Variants in FAAH observed in about 807,000 individuals in gnomAD.
FAAH encodes fatty acid amide hydrolase, also known as fatty-acid amide hydrolase 1.
Under a neutral mutation model 69.7 loss-of-function variants are expected in FAAH, and 63 were observed. The observed-to-expected ratio is 0.90, with a 90% CI of 0.74 to 1.12. The LOEUF is 1.12. Ranked by LOEUF, FAAH falls within the 50% of genes most tolerant of loss-of-function variation. The probability of loss-of-function intolerance (pLI) is 0.00; values close to 1 mark genes in which losing one functional copy is unlikely to be tolerated. For synonymous variants in FAAH, 305 were observed against 324.2 expected, an observed-to-expected ratio of 0.94 and a Z score of 0.64; for missense variants, 680 against 755.0, an observed-to-expected ratio of 0.90 and a Z score of 1.16.
Position 46,409,184 on chromosome 1 carries a change from C to T in FAAH, c.1161C>T (p.Thr387=). Residue 387 remains threonine, a synonymous_variant, in exon 9 of 15, where the codon ACC becomes ACT. Transcript: ENST00000243167. ...TGGLFSDGGH[T]FLQNFKGDFV... ...GGCTCTTCAGTGATGGTGGCCACAC[C>T]TTCCTACAGAACTTGTGAGTGATAG... 1 of 1,613,622 alleles carries T rather than the reference C, an allele frequency of 6.2e-7. No individual in the cohort carries two copies. The highest frequency in any genetic ancestry group is 8.5e-7 in the Non-Finnish European group (1 of 1,179,654).
At chr1:46,401,206 G>A (rs1664698180) in intron 1 of FAAH, among the ~76,000 whole-genome samples, 1 of 149,524 alleles carries the variant, frequency 6.7e-6, no homozygotes, top group Non-Finnish European at 1.5e-5. Flanking sequence ...TGGGAGGAAT[G>A]GAAGCAGGAG....
intron 1 of FAAH, among the ~76,000 whole-genome samples, chr1:46,397,805 C>T (rs962680263): frequency 1.3e-5 from 2 of 152,022 alleles, no homozygotes; most frequent in Admixed American, 6.6e-5. Flanking sequence ...TCAGGTGATC[C>T]GCCCGCCTCG....
chr1:46,412,164 GCC>G lies in FAAH; in HGVS notation c.1380_1381del (p.Gln461ValfsTer54). ...EIEVYRKTVIAQWRALDLDVV... is the reference protein window; with the variant it reads ...EIEVYRKTVIXQWRALDLDVV... ...GCAGGTGTACCGCAAAACCGTGATT[GCC>G]CAGTGGAGGGCGCTGGACCTGGATG... On this transcript the variant is annotated frameshift_variant, in exon 13 of 15. Transcript: ENST00000243167. LOFTEE classifies it high-confidence loss of function. The G allele has an allele frequency of 1.3e-6, 2 of 1,562,226 alleles. No homozygotes were observed. The highest frequency in any genetic ancestry group is 1.7e-6 in the Non-Finnish European group (2 of 1,152,964).
chr1:46,412,066 G>A, intron 12 of FAAH, 77 bp from the exon 13 acceptor site: 1 of 1,308,602 alleles, frequency 7.6e-7, no homozygotes, highest in Admixed American at 2.0e-5. Flanking sequence ...AGCCACCCCA[G>A]CCACAGTCCC....
At position 46,405,484 on chromosome 1, in the gene FAAH, A is replaced by G. The variant is rs201695502; in HGVS notation, c.557A>G (p.Asn186Ser). 6 of 1,335,602 alleles carry G rather than the reference A, an allele frequency of 4.5e-6. No individual in the cohort carries two copies. The African/African-American group carries it at 5.3e-5, about 12-fold the overall frequency. The allele number at this position is 1,335,602 out of a possible 1,614,324, so 82.7% of individuals were successfully genotyped here. Residue 186 changes from asparagine to serine, a missense_variant, in exon 4 of 15, where the codon AAT becomes AGT. Asn to Ser is a conservative substitution (Grantham distance 46, BLOSUM62 1). Transcript: ENST00000243167. The surrounding 1 kb of genome is among the most constrained non-coding windows in gnomAD (Gnocchi z 4.1). ...GGTGCCGTGCCCTTCGTGCACACCA[A>G]TGTTCCACAGTCCATGTTCAGGTTG... The part of the protein sequence containing the change: ...LQGAVPFVHT[N>S]VPQSMFSYDC...
chr1:46,402,351 G>T, intron 2 of FAAH, 147 bp downstream of exon 2: 1 of 741,158 alleles, frequency 1.3e-6, no homozygotes, highest in Non-Finnish European at 2.4e-6. Context: ...GGGACCTACA[G>T]TGCCAGGGAC....
chr1:46,396,449 T>C (rs1664598672), intron 1 of FAAH, among the ~76,000 whole-genome samples: 1 of 152,124 alleles, frequency 6.6e-6, no homozygotes, highest in Non-Finnish European at 1.5e-5. Context: ...GGCTGAGGTA[T>C]GGTCAGGTCT....
chr1:46,413,796 C>G lies in FAAH; in HGVS notation c.*221C>G. On this transcript the variant is annotated 3_prime_UTR_variant, in exon 15 of 15. Coordinates refer to ENST00000243167, the MANE Select transcript of FAAH (RefSeq NM_001441.3). ...TCCTGATCCCTCCACCCCCATGTGG[C>G]AGCCCATGGGTATGACATAGGCCAA... 1.6e-6 allele frequency: 1 copy of G among 613,758 alleles called. No individual in the cohort carries two copies. Among genetic ancestry groups the G allele is most frequent in the Non-Finnish European group, 2.9e-6 (1 of 347,370 alleles). The allele number at this position is 613,758 out of a possible 1,614,324, so 38.0% of individuals were successfully genotyped here. A position where few individuals can be genotyped will look rare whatever the true frequency, so the allele number is the denominator to read the frequency against.
At chr1:46,406,101 T>C in intron 6 of FAAH, 23 bp downstream of exon 6, 2 of 1,614,132 alleles carry the variant, frequency 1.2e-6, no homozygotes, top group Non-Finnish European at 1.7e-6. Flanking sequence ...GTGCTCTCAG[T>C]GCCCCGAGGA....
At position 46,411,542 on chromosome 1, in the gene FAAH, TA is replaced by T; in HGVS notation, c.1317-69del. On this transcript the variant is annotated intron_variant, in intron 11 of 14. Coordinates refer to ENST00000243167, the MANE Select transcript of FAAH (RefSeq NM_001441.3). The surrounding 1 kb of genome is among the most constrained non-coding windows in gnomAD (Gnocchi z 4.8). ...GGGGTGAGATCTAGAGGGTTGGCAG[TA>T]GGGGTCTGATGTTGCTGATCTCCGT... is the stretch of plus-strand genomic sequence containing the variant. The T allele has an allele frequency of 1.9e-6, 3 of 1,543,226 alleles. No homozygotes were observed. The highest frequency in any genetic ancestry group is 2.7e-6 in the Non-Finnish European group (3 of 1,119,660).
chr1:46,406,050 G>A lies in FAAH; in HGVS notation c.798G>A (p.Leu266=). 6.2e-7 allele frequency: 1 copy of A among 1,614,226 alleles called. No individual in the cohort carries two copies. Among genetic ancestry groups the A allele is most frequent in the South Asian group, 1.1e-5 (1 of 91,088 alleles). The stretch of plus-strand genomic sequence containing the variant: ...GTTTCTTATCCAGCAAGAGTGGCCT[G>A]AAGGGCTGTGTCTATGGACAGGAGG... ...PTGNRLSKSG[L]KGCVYGQEAV... The change falls in exon 6 of 15, where the codon CTG becomes CTA. Residue 266 remains leucine (L), a synonymous_variant. Transcript: ENST00000243167.
In FAAH at chr1:46,405,695, G is replaced by C. The variant is rs1305816300; in HGVS notation, c.686G>C (p.Gly229Ala). 1.2e-6 allele frequency: 2 copies of C among 1,613,430 alleles called. No individual in the cohort carries two copies. The highest frequency in any genetic ancestry group is 2.7e-5 in the African/African-American group (2 of 74,946). The change falls in exon 5 of 15, where the codon GGC becomes GCC. Residue 229 changes from glycine to alanine, a missense_variant. Gly to Ala is a moderately conservative substitution (Grantham distance 60, BLOSUM62 0). Coordinates refer to ENST00000243167, the MANE Select transcript of FAAH (RefSeq NM_001441.3). The surrounding 1 kb of genome is among the most constrained non-coding windows in gnomAD (Gnocchi z 4.1). ...GAAGGGGCCCTCATCGGGTCTGGAG[G>C]CTCCCCCCTGGGCTTAGGCACTGAT... is the stretch of plus-strand genomic sequence containing the variant. ...GGEGALIGSG[G>A]SPLGLGTDIG...
At chr1:46,398,053 C>T (rs1664630776) in intron 1 of FAAH, among the ~76,000 whole-genome samples, 1 of 151,532 alleles carries the variant, frequency 6.6e-6, no homozygotes, top group Non-Finnish European at 1.5e-5. Context: ...CCTGCCTCAG[C>T]CTCCCTAGTA....
intron 1 of FAAH, among the ~76,000 whole-genome samples, chr1:46,399,522 G>A (rs150216046): frequency 6.9e-4 from 105 of 152,308 alleles, no homozygotes; most frequent in African/African-American, 2.5e-3. Flanking sequence ...AGCGTGGAGG[G>A]GAGCACATTG....
Position 46,405,477 on chromosome 1 carries a change from C to T in FAAH, c.550C>T (p.His184Tyr), listed in dbSNP as rs1229152404. The change falls in exon 4 of 15, where the codon CAC (histidine) becomes TAC (tyrosine). Residue 184 changes from histidine to tyrosine, a missense_variant. Coordinates refer to ENST00000243167, the MANE Select transcript of FAAH (RefSeq NM_001441.3). This position sits in a 1 kb window ranked among gnomAD's most constrained non-coding sequence, Gnocchi z 4.1. Reference sequence around the variant, plus strand: ...GCTGCAGGGTGCCGTGCCCTTCGTGCACACCAATGTTCCACAGTCCATGTT... The same window carrying T: ...GCTGCAGGGTGCCGTGCCCTTCGTGTACACCAATGTTCCACAGTCCATGTT... ...LKLQGAVPFV[H>Y]TNVPQSMFSY... The T allele has an allele frequency of 1.3e-6, 2 of 1,519,408 alleles. No homozygotes were observed. The highest frequency in any genetic ancestry group is 1.8e-6 in the Non-Finnish European group (2 of 1,120,988). The allele number at this position is 1,519,408 out of a possible 1,614,324, so 94.1% of individuals were successfully genotyped here.
intron 14 of FAAH, 101 bp downstream of exon 14, chr1:46,413,321 A>G: frequency 6.2e-7 from 1 of 1,610,014 alleles, no homozygotes; most frequent in South Asian, 1.1e-5. Context: ...AGCCTTTCTT[A>G]AGCAAGACCT....
At chr1:46,406,206 C>T in intron 6 of FAAH, 38 bp from the exon 7 acceptor site, 1 of 1,614,052 alleles carries the variant, frequency 6.2e-7, no homozygotes, top group South Asian at 1.1e-5. Context: ...GTTCCTCGCT[C>T]CTTGTCTGCT....
chr1:46,408,652 G>A (rs1054188248), intron 8 of FAAH, 68 bp downstream of exon 8: 1 of 1,609,532 alleles, frequency 6.2e-7, no homozygotes, highest in Non-Finnish European at 8.5e-7. Context: ...TGGTACCCAT[G>A]GCTACTCCAT....
At chr1:46,401,915 C>T (rs376901315) in intron 1 of FAAH, among the ~76,000 whole-genome samples, 176 bp from the exon 2 acceptor site, 3 of 152,272 alleles carry the variant, frequency 2.0e-5, no homozygotes, top group Admixed American at 1.3e-4. Flanking sequence ...CAGGTCGGCT[C>T]GCTGGGCACC....
Sources: gnomAD v4.1 joint callset for allele counts (sites outside exome capture counted in the v4.1 genomes callset) on GRCh38, gnomAD v4.1.1 for gene constraint, Gnocchi (gnomAD v3.1) non-coding constraint, MANE v1.5 for transcripts, NCBI Gene and HGNC (gene_info 2026-07-23, HGNC 2026-07-21) for gene names.